Variants in NIPAL2 observed in about 807,000 individuals in gnomAD.
The protein encoded by NIPAL2 is NIPA-like protein 2.
A neutral mutation model predicts 48.9 loss-of-function variants in NIPAL2; 43 were observed. The ratio of observed to expected loss-of-function variants is 0.88; its 90% confidence interval spans 0.69 to 1.13. The LOEUF (loss-of-function observed/expected upper bound fraction) is 1.13. Ranked by LOEUF, NIPAL2 falls within the 50% of genes most tolerant of loss-of-function variation. The probability of loss-of-function intolerance (pLI) is 0.00; values close to 1 mark genes in which losing one functional copy is unlikely to be tolerated. For synonymous variants in NIPAL2, 167 were observed against 174.6 expected (o/e 0.96, Z 0.34); for missense variants, 446 against 461.4 (o/e 0.97, Z 0.31).
At chr8:98,264,890 G>C (rs1417015374) in intron 1 of NIPAL2, among the ~76,000 whole-genome samples, 398 of 151,742 alleles carry the variant, frequency 2.6e-3, no homozygotes, top group Middle Eastern at 0.01. Context: ...ATACTACCAG[G>C]CTACAGTAAC....
At chr8:98,286,688 A>T (rs1816183431) in intron 1 of NIPAL2, among the ~76,000 whole-genome samples, 1 of 151,978 alleles carries the variant, frequency 6.6e-6, no homozygotes, top group African/African-American at 2.4e-5. Context: ...ACACGCCTGT[A>T]GTCCCAGCTA....
At chr8:98,214,675 T>C (rs1339824993) in intron 5 of NIPAL2, among the ~76,000 whole-genome samples, 2 of 152,182 alleles carry the variant, frequency 1.3e-5, no homozygotes, top group African/African-American at 4.8e-5. Context: ...GGTTTGCTTG[T>C]GGGTTTGTTT....
At chr8:98,293,549 A>G (rs1816603091) in intron 1 of NIPAL2, among the ~76,000 whole-genome samples, 1 of 152,250 alleles carries the variant, frequency 6.6e-6, no homozygotes, top group African/African-American at 2.4e-5. Context: ...GCGCGAGGTG[A>G]CATTAGGCTG....
chr8:98,202,532 T>C (rs1810851441), intron 8 of NIPAL2, among the ~76,000 whole-genome samples: 1 of 152,152 alleles, frequency 6.6e-6, no homozygotes, highest in Non-Finnish European at 1.5e-5. Context: ...ATATGAGATC[T>C]GGTTGTTAAA....
intron 5 of NIPAL2, among the ~76,000 whole-genome samples, chr8:98,214,952 T>C (rs1811502767): frequency 6.6e-6 from 1 of 152,202 alleles, no homozygotes; most frequent in African/African-American, 2.4e-5. Context: ...TTTCTGTCCA[T>C]TTCACCAATT....
chr8:98,278,598 A>G (rs1327051891), intron 1 of NIPAL2, among the ~76,000 whole-genome samples: 1 of 152,178 alleles, frequency 6.6e-6, no homozygotes, highest in African/African-American at 2.4e-5. Context: ...CAGGACATGT[A>G]TTATACAATA....
In NIPAL2 at chr8:98,284,593, T is replaced by C. The variant is rs138983381; in HGVS notation, c.135+9410A>G. 2.6e-3 allele frequency among the ~76,000 whole-genome samples: 402 copies of C among 152,202 alleles called. 9 individuals are homozygous for C. Among genetic ancestry groups the C allele is most frequent in the Admixed American group, 0.015 (235 of 15,284 alleles). ...ATGTTGGTTACATTTTGGACCCTCA[T>C]TGATTCACTGACCCAGCCTAATGTG... On this transcript the variant is annotated intron_variant, in intron 1 of 10. Coordinates refer to ENST00000430223, the MANE Select transcript of NIPAL2 (RefSeq NM_001321635.2).
intron 1 of NIPAL2, among the ~76,000 whole-genome samples, chr8:98,287,295 A>G (rs2130916185): frequency 6.6e-6 from 1 of 152,308 alleles, no homozygotes; most frequent in Non-Finnish European, 1.5e-5. Flanking sequence ...TTTCTAACCT[A>G]GAAGTCTGGA....
At chr8:98,279,750 A>T (rs551838326) in intron 1 of NIPAL2, among the ~76,000 whole-genome samples, 1 of 152,258 alleles carries the variant, frequency 6.6e-6, no homozygotes, top group East Asian at 1.9e-4. Flanking sequence ...AATACAAATG[A>T]AATAAAGCAA....
chr8:98,234,713 ATT>A (rs33980111), intron 4 of NIPAL2, among the ~76,000 whole-genome samples: 100,474 of 138,138 alleles, frequency 0.73, 37,190 homozygotes, highest in South Asian at 0.82. Flanking sequence ...ACACCTGTCT[ATT>A]TTTTTTTTTT....
At chr8:98,210,120 C>G (rs1353480516) in intron 6 of NIPAL2, among the ~76,000 whole-genome samples, 1 of 151,532 alleles carries the variant, frequency 6.6e-6, no homozygotes, top group Non-Finnish European at 1.5e-5. Flanking sequence ...TTACTTTTCT[C>G]TTTTCTATTT....
intron 3 of NIPAL2, among the ~76,000 whole-genome samples, chr8:98,243,232 G>C (rs891335734): frequency 3.3e-5 from 5 of 152,196 alleles, no homozygotes; most frequent in Non-Finnish European, 2.9e-5. Flanking sequence ...CTATTGGTGA[G>C]TCATCTGTTC....
In NIPAL2 at chr8:98,192,852, G is replaced by A; in HGVS notation, c.*126C>T. The A allele has an allele frequency of 1.5e-6, 1 of 657,032 alleles. No homozygotes were observed. The highest frequency in any genetic ancestry group is 2.7e-6 in the Non-Finnish European group (1 of 366,218). The allele number at this position is 657,032 out of a possible 1,614,324, so 40.7% of individuals were successfully genotyped here. A position where few individuals can be genotyped will look rare whatever the true frequency, so the allele number is the denominator to read the frequency against. On this transcript the variant is annotated 3_prime_UTR_variant, in exon 11 of 11. Coordinates refer to ENST00000430223, the MANE Select transcript of NIPAL2 (RefSeq NM_001321635.2). ...GATTGTCCATAGACGCTGAGGTGGG[G>A]GAAAGGACTGAAATGAATGCTAGCA...
chr8:98,220,970 T>A (rs1811830291), intron 5 of NIPAL2, among the ~76,000 whole-genome samples: 1 of 63,008 alleles, frequency 1.6e-5, no homozygotes, highest in African/African-American at 6.8e-5. Flanking sequence ...CATTCTTTTT[T>A]TTTTTTTTTT....
At chr8:98,243,793 AC>A (rs10707857) in intron 3 of NIPAL2, among the ~76,000 whole-genome samples, 19,589 of 152,164 alleles carry the variant, frequency 0.13, 1,512 homozygotes, top group East Asian at 0.32. Flanking sequence ...TCAGTTTAGA[AC>A]CCTGTGTCTG....
At chr8:98,271,660 C>T (rs144339619) in intron 1 of NIPAL2, among the ~76,000 whole-genome samples, 3,475 of 152,294 alleles carry the variant, frequency 0.023, 64 homozygotes, top group Middle Eastern at 0.037. Context: ...TTAACTTCCT[C>T]TTTTCCTATT....
chr8:98,288,969 C>T (rs1428663044), intron 1 of NIPAL2, among the ~76,000 whole-genome samples: 1 of 152,180 alleles, frequency 6.6e-6, no homozygotes, highest in Admixed American at 6.5e-5. Context: ...TTCCTTATAG[C>T]TTTATCACCC....
At chr8:98,254,866 C>G (rs1246965012) in intron 1 of NIPAL2, among the ~76,000 whole-genome samples, 2 of 152,238 alleles carry the variant, frequency 1.3e-5, no homozygotes, top group African/African-American at 4.8e-5. Context: ...AGGTATGCCT[C>G]TCACTCACTC....
rs1586369241 is a variant in NIPAL2, at chr8:98,236,364, T to C, written c.377-150A>G. The stretch of plus-strand genomic sequence containing the variant: ...CAGCAGTTGTGGCTATAAAAAGGCC[T>C]TTCTTCCCCCTGTGGCTGAGGATAT... On this transcript the variant is annotated intron_variant, in intron 3 of 10. Coordinates refer to ENST00000430223, the MANE Select transcript of NIPAL2 (RefSeq NM_001321635.2). The C allele has an allele frequency of 7.5e-6, 4 of 534,858 alleles. No individual in the cohort carries two copies. The East Asian group carries it at 1.4e-4, about 19-fold the overall frequency. The allele number at this position is 534,858 out of a possible 1,614,324, so 33.1% of individuals were successfully genotyped here.
Sources: allele counts gnomAD v4.1 joint callset (sites outside exome capture counted in the v4.1 genomes callset), GRCh38; gene constraint gnomAD v4.1.1; transcripts MANE v1.5; gene names NCBI Gene and HGNC (gene_info 2026-07-23, HGNC 2026-07-21).